The following CSMD1 variants were observed in gnomAD, a reference collection of about 807,000 sequenced individuals.
The protein encoded by CSMD1 is CUB and Sushi multiple domains 1, also known as CUB and sushi domain-containing protein 1.
Under a neutral mutation model 417.5 loss-of-function variants are expected in CSMD1, and 213 were observed. The observed-to-expected ratio is 0.51, with a 90% confidence interval of 0.46 to 0.57. The LOEUF (loss-of-function observed/expected upper bound fraction) is 0.57, where lower values mean the gene tolerates loss of function less well. Ranked by LOEUF, CSMD1 falls within the 20% of genes least tolerant of loss-of-function variation. CSMD1 has a pLI of 0.00. For missense variants in CSMD1, 6,923 were observed against 4,529.7 expected, an observed-to-expected ratio of 1.53 and a Z score of -15.17; for synonymous variants, 2,862 against 1,736.8, an observed-to-expected ratio of 1.65 and a Z score of -16.11.
intron 46 of CSMD1, among the ~76,000 whole-genome samples, chr8:3,100,897 G>A (rs1461474369): frequency 6.6e-6 from 1 of 152,116 alleles, no homozygotes; most frequent in Non-Finnish European, 1.5e-5. Flanking sequence ...GGAAAAGGCT[G>A]CCCCAGAGCC....
intron 7 of CSMD1, among the ~76,000 whole-genome samples, chr8:3,625,887 T>C (rs774456121): frequency 3.9e-5 from 6 of 152,174 alleles, no homozygotes; most frequent in Non-Finnish European, 7.3e-5. Flanking sequence ...AACAATTATC[T>C]TTCCAACTGA....
At chr8:3,871,751 G>C (rs940906387) in intron 5 of CSMD1, among the ~76,000 whole-genome samples, 41 of 152,310 alleles carry the variant, frequency 2.7e-4, no homozygotes, top group African/African-American at 9.9e-4. Flanking sequence ...ATTTGAGAAT[G>C]TGGGTAAAAT....
chr8:4,444,260 T>G (rs1182624620), intron 2 of CSMD1, among the ~76,000 whole-genome samples: 2 of 146,556 alleles, frequency 1.4e-5, no homozygotes, highest in East Asian at 4.1e-4. Flanking sequence ...GAGAATTGCT[T>G]GAACCTGGGC....
At chr8:4,683,127 A>T (rs960942617) in intron 1 of CSMD1, among the ~76,000 whole-genome samples, 6 of 151,714 alleles carry the variant, frequency 4.0e-5, no homozygotes, top group Non-Finnish European at 8.8e-5. Flanking sequence ...CATGTAACTT[A>T]TGAATTAGTA....
chr8:3,057,466 GTA>G (rs748547342), intron 49 of CSMD1, among the ~76,000 whole-genome samples: 1 of 151,814 alleles, frequency 6.6e-6, no homozygotes, highest in Non-Finnish European at 1.5e-5. Flanking sequence ...GTGTGTTTGT[GTA>G]TATATATATG....
chr8:3,801,852 A>C (rs952223570), intron 5 of CSMD1, among the ~76,000 whole-genome samples: 12 of 152,296 alleles, frequency 7.9e-5, no homozygotes, highest in East Asian at 7.7e-4. Context: ...TCATTAAAGT[A>C]AGTCAATGAA....
chr8:4,442,502 G>A (rs933191487), intron 2 of CSMD1, among the ~76,000 whole-genome samples: 3 of 152,054 alleles, frequency 2.0e-5, no homozygotes, highest in Non-Finnish European at 4.4e-5. Flanking sequence ...GTATATAAAA[G>A]ATGTTATTCC....
At chr8:3,913,310 G>C (rs984305685) in intron 5 of CSMD1, among the ~76,000 whole-genome samples, 3 of 152,050 alleles carry the variant, frequency 2.0e-5, no homozygotes, top group Non-Finnish European at 2.9e-5. Flanking sequence ...GAGGACCATC[G>C]ACCTGCTCAG....
At chr8:3,188,704 G>T (rs1233322470) in intron 35 of CSMD1, among the ~76,000 whole-genome samples, 183 bp downstream of exon 35, 6 of 150,760 alleles carry the variant, frequency 4.0e-5, no homozygotes, top group Non-Finnish European at 8.9e-5. Context: ...GAAATATTTT[G>T]TTGAAATACT....
intron 1 of CSMD1, among the ~76,000 whole-genome samples, chr8:4,939,396 C>G (rs1329740749): frequency 6.6e-6 from 1 of 152,148 alleles, no homozygotes; most frequent in East Asian, 1.9e-4. Flanking sequence ...TGGAAACAAC[C>G]TCAGTGACCC....
intron 23 of CSMD1, among the ~76,000 whole-genome samples, chr8:3,324,950 G>A (rs1806429043): frequency 6.6e-6 from 1 of 151,174 alleles, no homozygotes; most frequent in East Asian, 1.9e-4. Context: ...TCATATCAGT[G>A]TTTTCTGAAA....
intron 5 of CSMD1, among the ~76,000 whole-genome samples, chr8:3,915,156 A>G (rs113545497): frequency 0.012 from 1,821 of 152,260 alleles, 26 homozygotes; most frequent in African/African-American, 0.039. Context: ...CTGTAATCCC[A>G]GCCCTTTGGG....
intron 18 of CSMD1, among the ~76,000 whole-genome samples, chr8:3,385,010 AATAT>A (rs1402922660): frequency 2.9e-5 from 1 of 34,098 alleles, no homozygotes; most frequent in Non-Finnish European, 5.6e-5. Context: ...TTTATATATA[AATAT>A]ATAATATATA....
intron 4 of CSMD1, among the ~76,000 whole-genome samples, chr8:4,017,274 T>C (rs1373622824): frequency 6.6e-6 from 1 of 152,182 alleles, no homozygotes; most frequent in Non-Finnish European, 1.5e-5. Context: ...CATCTTCTCA[T>C]CATTTCTAAT....
chr8:4,190,731 C>A (rs560381543), intron 3 of CSMD1, among the ~76,000 whole-genome samples: 1 of 152,084 alleles, frequency 6.6e-6, no homozygotes. Context: ...TCTGAAATCA[C>A]ATGAATGGAT....
intron 23 of CSMD1, among the ~76,000 whole-genome samples, chr8:3,313,833 C>G (rs149171123): frequency 1.3e-5 from 2 of 152,060 alleles, no homozygotes; most frequent in Non-Finnish European, 2.9e-5. Flanking sequence ...ATGTTTATAG[C>G]GGCACTATTC....
chr8:4,732,344 C>CGTGT (rs750818272), intron 1 of CSMD1, among the ~76,000 whole-genome samples: 44,169 of 140,854 alleles, frequency 0.31, 7,066 homozygotes, highest in East Asian at 0.4. Context: ...ATTTCTTCTG[C>CGTGT]GTGTGTGTGT....
At chr8:3,997,442 G>A (rs1166772621) in intron 5 of CSMD1, among the ~76,000 whole-genome samples, 1 of 152,130 alleles carries the variant, frequency 6.6e-6, no homozygotes, top group Non-Finnish European at 1.5e-5. Context: ...GTAGCCACGG[G>A]CACTTCCCCA....
chr8:4,342,415 C>T (rs1450498037), intron 3 of CSMD1, among the ~76,000 whole-genome samples: 1 of 152,080 alleles, frequency 6.6e-6, no homozygotes. Flanking sequence ...AGGTTAATCA[C>T]TTTCTGAACT....
Sources: allele counts gnomAD v4.1 joint callset (sites outside exome capture counted in the v4.1 genomes callset), GRCh38; gene constraint gnomAD v4.1.1; transcripts MANE v1.5; gene names NCBI Gene and HGNC (gene_info 2026-07-23, HGNC 2026-07-21).